Variants in ZFP14 observed in about 807,000 individuals in gnomAD.
The protein encoded by ZFP14 is ZFP14 zinc finger protein, also known as zinc finger protein 14 homolog.
A neutral mutation model predicts 54.5 loss-of-function variants in ZFP14; 22 were observed. The ratio of observed to expected loss-of-function variants is 0.40; its 90% CI spans 0.29 to 0.58. The LOEUF is 0.58. Among genes scored for constraint, ZFP14 ranks in the 20% least tolerant of loss-of-function variants. The pLI is 0.39. For synonymous variants in ZFP14, 159 were observed against 204.0 expected (o/e 0.78, Z 1.88); for missense variants, 470 against 637.8 (o/e 0.74, Z 2.83).
At chr19:36,372,342 T>A (rs1568474961) in intron 1 of ZFP14, among the ~76,000 whole-genome samples, 2 of 150,130 alleles carry the variant, frequency 1.3e-5, no homozygotes, top group East Asian at 1.9e-4. Context: ...CCCACAAAAT[T>A]GACAAACCTA....
chr19:36,360,676 C>A (rs1194722515), intron 3 of ZFP14, 143 bp from the exon 4 acceptor site: 1 of 679,800 alleles, frequency 1.5e-6, no homozygotes, highest in African/African-American at 1.8e-5. Context: ...TTGAAGAATG[C>A]TCATATTAAG....
rs2031283376 is a variant in ZFP14 at position 36,340,213 on chromosome 19, G to T, written c.*11C>A. ...TCTGTAACATCATATACATTTGAAG[G>T]CTTTCTTCTATTAAATTCCATTATG... On this transcript the variant is annotated 3_prime_UTR_variant, in exon 5 of 5. Coordinates refer to ENST00000270001, the MANE Select transcript of ZFP14 (RefSeq NM_020917.3). This position sits in a 1 kb window ranked among gnomAD's most constrained non-coding sequence, Gnocchi z 5.4. 1.9e-6 allele frequency: 3 copies of T among 1,544,856 alleles called. No individual in the cohort carries two copies. The highest frequency in any genetic ancestry group is 2.6e-6 in the Non-Finnish European group (3 of 1,147,876).
In ZFP14 at chr19:36,340,112, C is replaced by A. The variant is rs1320461425; in HGVS notation, c.*112G>T. Reference sequence around the variant, plus strand: ...TGGAAGGCTTTTAAATCAACATATTCTTTCTCTAATATAAAATTTATTATG... The same window carrying A: ...TGGAAGGCTTTTAAATCAACATATTATTTCTCTAATATAAAATTTATTATG... On this transcript the variant is annotated 3_prime_UTR_variant, in exon 5 of 5. Transcript: ENST00000270001. The surrounding 1 kb of genome is among the most constrained non-coding windows in gnomAD (Gnocchi z 5.4). 1.7e-6 allele frequency: 2 copies of A among 1,167,426 alleles called. No individual in the cohort carries two copies. The highest frequency in any genetic ancestry group is 2.3e-6 in the Non-Finnish European group (2 of 871,248). 72.3% of individuals were successfully genotyped at this position (1,167,426 alleles called of 1,614,324 possible).
At chr19:36,357,934 G>A (rs1046496126) in intron 4 of ZFP14, among the ~76,000 whole-genome samples, 4 of 151,564 alleles carry the variant, frequency 2.6e-5, no homozygotes, top group African/African-American at 9.7e-5. Flanking sequence ...GTAGAGATAG[G>A]GTTTTACCAT....
chr19:36,343,132 GTT>G (rs745703009), intron 4 of ZFP14, among the ~76,000 whole-genome samples: 3 of 152,176 alleles, frequency 2.0e-5, no homozygotes, highest in Non-Finnish European at 4.4e-5. Flanking sequence ...ATGCAGAGGT[GTT>G]TTTAACTGAC....
rs1053238357 is a variant in ZFP14 at position 36,336,303 on chromosome 19, G to A, written c.*3921C>T. On this transcript the variant is annotated 3_prime_UTR_variant, in exon 5 of 5. Transcript: ENST00000270001. ...TACCCAGGCTGGAGTGCAGTGGCGC[G>A]ATCTCAACTCACCACAAACTCCGCC... is the stretch of plus-strand genomic sequence containing the variant. 13 of 140,912 alleles carry A rather than the reference G, an allele frequency of 9.2e-5. No homozygotes were observed. The highest frequency in any genetic ancestry group is 6.8e-4 in the Admixed American group (9 of 13,270). The allele number at this position is 140,912 out of a possible 1,614,324, so 8.7% of individuals were successfully genotyped here. A position where few individuals can be genotyped will look rare whatever the true frequency, so the allele number is the denominator to read the frequency against.
chr19:36,364,061 C>T (rs958377010), intron 2 of ZFP14, among the ~76,000 whole-genome samples: 2 of 151,958 alleles, frequency 1.3e-5, no homozygotes, highest in African/African-American at 4.8e-5. Context: ...TGTAAAAATA[C>T]ACAATGGACC....
intron 4 of ZFP14, among the ~76,000 whole-genome samples, chr19:36,347,707 T>C (rs2031444028): frequency 6.6e-6 from 1 of 152,168 alleles, no homozygotes; most frequent in African/African-American, 2.4e-5. Context: ...CACTCAATTA[T>C]ATTTAAAGTG....
At chr19:36,374,485 G>A (rs1344829490) in intron 1 of ZFP14, among the ~76,000 whole-genome samples, 9 of 126,518 alleles carry the variant, frequency 7.1e-5, no homozygotes, top group Admixed American at 5.3e-4. Context: ...GGGAGACTCT[G>A]TCTCAAAAAA....
Position 36,336,954 on chromosome 19 carries a change from A to T in ZFP14, c.*3270T>A, listed in dbSNP as rs1311046873. 1 of 129,086 alleles carries T rather than the reference A, an allele frequency of 7.7e-6. No individual in the cohort carries two copies. The highest frequency in any genetic ancestry group is 2.9e-5 in the African/African-American group (1 of 34,428). The allele number at this position is 129,086 out of a possible 1,614,324, so 8.0% of individuals were successfully genotyped here. A position where few individuals can be genotyped will look rare whatever the true frequency, so the allele number is the denominator to read the frequency against. ...ATTTAGTTTCCAGCTCTCTTTGCCA[A>T]TTATTTCTTTTGCTAGAATATTTTA... On this transcript the variant is annotated 3_prime_UTR_variant, in exon 5 of 5. Transcript: ENST00000270001.
Position 36,354,349 on chromosome 19 carries a change from C to T in ZFP14, c.235+6086G>A, listed in dbSNP as rs1220596397. Among the ~76,000 whole-genome samples, 4 of 117,180 alleles carry T rather than the reference C, an allele frequency of 3.4e-5. 1 individual carries two copies. Among genetic ancestry groups the T allele is most frequent in the African/African-American group, 1.3e-4 (4 of 30,832 alleles). 76.9% of individuals were successfully genotyped at this position (117,180 alleles called of 152,430 possible). A position where few individuals can be genotyped will look rare whatever the true frequency, so the allele number is the denominator to read the frequency against. On this transcript the variant is annotated intron_variant, in intron 4 of 4. Coordinates refer to ENST00000270001, the MANE Select transcript of ZFP14 (RefSeq NM_020917.3). ...TGGTGCAACTGCACTCCAGGCTGGG[C>T]GACAGAGAGAGATTCCATCTCAAAA... is the stretch of plus-strand genomic sequence containing the variant.
intron 4 of ZFP14, among the ~76,000 whole-genome samples, chr19:36,356,224 CAGG>C (rs1301520388): frequency 6.6e-6 from 1 of 151,862 alleles, no homozygotes; most frequent in Non-Finnish European, 1.5e-5. Flanking sequence ...CACCTGAGGT[CAGG>C]AGTTCGAAAC....
chr19:36,343,129 G>T (rs892991161), intron 4 of ZFP14, among the ~76,000 whole-genome samples: 1 of 152,160 alleles, frequency 6.6e-6, no homozygotes, highest in African/African-American at 2.4e-5. Context: ...ACTATGCAGA[G>T]GTGTTTTTAA....
rs1349313883 is a variant in ZFP14 at position 36,371,989 on chromosome 19, A to AGGGG, written c.-79-4019_-79-4018insCCCC. 8.8e-3 allele frequency among the ~76,000 whole-genome samples: 873 copies of AGGGG among 99,298 alleles called. 14 individuals carry two copies. The highest frequency in any genetic ancestry group is 0.031 in the African/African-American group (821 of 26,162). The allele number at this position is 99,298 out of a possible 152,430, so 65.1% of individuals were successfully genotyped here. ...GGAGATAAGAAGGAAGGAGGGATGG[A>AGGGG]GGGAGGGAGGGAGGGAAGGAGGGAA... On this transcript the variant is annotated intron_variant, in intron 1 of 4. Coordinates refer to ENST00000270001, the MANE Select transcript of ZFP14 (RefSeq NM_020917.3).
At chr19:36,360,265 T>TATTA in intron 4 of ZFP14, 170 bp downstream of exon 4, 1 of 408,902 alleles carries the variant, frequency 2.4e-6, no homozygotes, top group Non-Finnish European at 4.3e-6. Flanking sequence ...GTTCCTTTGC[T>TATTA]AGTCCAGGCT....
intron 4 of ZFP14, among the ~76,000 whole-genome samples, chr19:36,347,732 A>G (rs2031444383): frequency 6.6e-6 from 1 of 152,254 alleles, no homozygotes; most frequent in African/African-American, 2.4e-5. Context: ...AGAACATTTT[A>G]TAAAGCCTAA....
intron 4 of ZFP14, among the ~76,000 whole-genome samples, chr19:36,343,935 G>A (rs1049583772): frequency 6.6e-5 from 10 of 152,286 alleles, no homozygotes; most frequent in African/African-American, 2.2e-4. Context: ...CCCACCCATT[G>A]GGGATTAAGT....
chr19:36,360,603 T>G, intron 3 of ZFP14, 70 bp from the exon 4 acceptor site: 1 of 1,396,980 alleles, frequency 7.2e-7, no homozygotes, highest in Non-Finnish European at 9.8e-7. Flanking sequence ...TGGTTAAATT[T>G]ATAATTAACT....
At chr19:36,353,843 G>A (rs1039403362) in intron 4 of ZFP14, among the ~76,000 whole-genome samples, 2 of 141,438 alleles carry the variant, frequency 1.4e-5, no homozygotes, top group African/African-American at 5.2e-5. Context: ...GGAGACTGAG[G>A]TGGGAGGATC....
Sources: gnomAD v4.1 joint callset for allele counts (sites outside exome capture counted in the v4.1 genomes callset) on GRCh38, gnomAD v4.1.1 for gene constraint, Gnocchi (gnomAD v3.1) non-coding constraint, MANE v1.5 for transcripts, NCBI Gene and HGNC (gene_info 2026-07-23, HGNC 2026-07-21) for gene names.